Variants in MYT1L observed in about 807,000 individuals in gnomAD.
MYT1L encodes myelin transcription factor 1 like.
MYT1L carries 12 observed loss-of-function variants against 126.7 expected under a neutral mutation model. The observed-to-expected ratio is 0.09, with a 90% confidence interval of 0.06 to 0.15. MYT1L has a LOEUF of 0.15. Ranked by LOEUF, MYT1L falls within the 10% of genes least tolerant of loss-of-function variation. The probability of loss-of-function intolerance (pLI) is 1.00; values close to 1 mark genes in which losing one functional copy is unlikely to be tolerated. For synonymous variants in MYT1L, 541 were observed against 604.2 expected (o/e 0.90, Z 1.53); for missense variants, 979 against 1,585.2 (o/e 0.62, Z 6.49).
chr2:1,856,443 T>C (rs2043934386), intron 18 of MYT1L, among the ~76,000 whole-genome samples: 1 of 152,168 alleles, frequency 6.6e-6, no homozygotes, highest in African/African-American at 2.4e-5. Context: ...CATATTGTTT[T>C]CCATTGGTGC....
chr2:2,102,744 T>C (rs2078255054), intron 3 of MYT1L, among the ~76,000 whole-genome samples: 1 of 151,950 alleles, frequency 6.6e-6, no homozygotes, highest in African/African-American at 2.4e-5. Flanking sequence ...ATCAATGGTC[T>C]GAAGTCACTA....
chr2:2,025,166 C>T (rs1179140681), intron 4 of MYT1L, among the ~76,000 whole-genome samples: 1 of 152,222 alleles, frequency 6.6e-6, no homozygotes, highest in Non-Finnish European at 1.5e-5. Flanking sequence ...GGCCCTGGCT[C>T]CCTGGCATTG....
intron 8 of MYT1L, chr2:1,974,734 C>T (rs956699440): frequency 3.9e-5 from 6 of 152,168 alleles, no homozygotes; most frequent in South Asian, 2.1e-4. Flanking sequence ...CTCTGTCCTT[C>T]GCCTTTCTCA....
chr2:1,925,406 T>C (rs964027863), intron 9 of MYT1L, among the ~76,000 whole-genome samples: 6 of 152,222 alleles, frequency 3.9e-5, no homozygotes, highest in Admixed American at 3.3e-4. Context: ...ATGTACAACA[T>C]TGGTCATTCT....
intron 4 of MYT1L, among the ~76,000 whole-genome samples, chr2:1,997,926 A>G (rs1173302589): frequency 1.3e-5 from 2 of 152,206 alleles, no homozygotes; most frequent in African/African-American, 4.8e-5. Context: ...TGTGAATTTT[A>G]TGAATAAAGA....
chr2:1,976,629 G>A (rs2060207696), intron 8 of MYT1L, among the ~76,000 whole-genome samples: 1 of 152,170 alleles, frequency 6.6e-6, no homozygotes, highest in African/African-American at 2.4e-5. Flanking sequence ...GCAACAGAGT[G>A]AGACTCCATA....
intron 4 of MYT1L, among the ~76,000 whole-genome samples, chr2:2,013,746 G>A (rs796537636): frequency 6.6e-6 from 1 of 152,260 alleles, no homozygotes; most frequent in South Asian, 2.1e-4. Context: ...AAAGGGGAGA[G>A]CCCTGCTGGC....
rs1211427760 is a variant in MYT1L at position 1,848,653 on chromosome 2, GCCA to G, written c.2774+2985_2774+2987del. Among the ~76,000 whole-genome samples the G allele has an allele frequency of 1.3e-5, 2 of 152,092 alleles. No individual in the cohort carries two copies. Among genetic ancestry groups the G allele is most frequent in the Non-Finnish European group, 2.9e-5 (2 of 68,016 alleles). ...GAAGTTCCTCCTACTTGCATTTCTG[GCCA>G]CCAAGAGCCAACAGACCTTTAAGAG... On this transcript the variant is annotated intron_variant, in intron 19 of 24. Transcript: ENST00000647738. The surrounding 1 kb of genome is among the most constrained non-coding windows in gnomAD (Gnocchi z 4.8).
At chr2:2,220,798 T>C (rs1572584421) in intron 2 of MYT1L, among the ~76,000 whole-genome samples, 1 of 152,184 alleles carries the variant, frequency 6.6e-6, no homozygotes, top group East Asian at 1.9e-4. Context: ...TGAGAATTTA[T>C]GGTTTGTAGG....
At chr2:2,144,817 C>G (rs1284254648) in intron 3 of MYT1L, among the ~76,000 whole-genome samples, 1 of 152,224 alleles carries the variant, frequency 6.6e-6, no homozygotes, top group African/African-American at 2.4e-5. Context: ...CTGCGGCTCT[C>G]ATCATGTAAA....
intron 8 of MYT1L, among the ~76,000 whole-genome samples, chr2:1,966,556 C>A (rs1288366286): frequency 6.6e-6 from 1 of 152,146 alleles, no homozygotes; most frequent in Non-Finnish European, 1.5e-5. Flanking sequence ...CCTGGTCATT[C>A]ATCCCAGGGA....
chr2:1,844,796 A>G lies in MYT1L; in HGVS notation c.2775-3953T>C, dbSNP rs144643132. On this transcript the variant is annotated intron_variant, in intron 19 of 24. Transcript: ENST00000647738. Reference sequence around the variant, plus strand: ...GGGCCCAGATTTGAACCTAACAAAAAGTCGCTCCCCCTCGTCTTCTCCTTC... The same window carrying G: ...GGGCCCAGATTTGAACCTAACAAAAGGTCGCTCCCCCTCGTCTTCTCCTTC... Among the ~76,000 whole-genome samples, 262 of 152,242 alleles carry G rather than the reference A, an allele frequency of 1.7e-3. 2 individuals carry two copies. Among genetic ancestry groups the G allele is most frequent in the African/African-American group, 6.1e-3 (253 of 41,548 alleles).
At chr2:1,856,114 A>T (rs1318439140) in intron 18 of MYT1L, among the ~76,000 whole-genome samples, 9 of 152,258 alleles carry the variant, frequency 5.9e-5, no homozygotes, top group Admixed American at 5.9e-4. Flanking sequence ...AAGCAACAAC[A>T]AGAAAACAAA....
chr2:2,160,872 A>T (rs1057235937), intron 3 of MYT1L, among the ~76,000 whole-genome samples: 1 of 152,216 alleles, frequency 6.6e-6, no homozygotes, highest in Non-Finnish European at 1.5e-5. Flanking sequence ...AAGAGGATTC[A>T]AAACACATGT....
intron 15 of MYT1L, among the ~76,000 whole-genome samples, chr2:1,891,010 A>T (rs567744158): frequency 2.6e-5 from 4 of 151,286 alleles, no homozygotes; most frequent in African/African-American, 9.7e-5. Flanking sequence ...CTTTTATTTT[A>T]TTTTTTTTGT....
intron 4 of MYT1L, among the ~76,000 whole-genome samples, chr2:2,026,633 C>A (rs2065616379): frequency 6.6e-6 from 1 of 152,210 alleles, no homozygotes; most frequent in Non-Finnish European, 1.5e-5. Flanking sequence ...GGTTGTTCTG[C>A]AGGTCAAGGT....
At chr2:1,931,129 T>G (rs1159778885) in intron 9 of MYT1L, among the ~76,000 whole-genome samples, 1 of 152,108 alleles carries the variant, frequency 6.6e-6, no homozygotes, top group African/African-American at 2.4e-5. Context: ...TCACCACTCA[T>G]CCCTTAGAGA....
intron 1 of MYT1L, among the ~76,000 whole-genome samples, chr2:2,320,131 A>G (rs1457110814): frequency 6.6e-6 from 1 of 152,078 alleles, no homozygotes; most frequent in Non-Finnish European, 1.5e-5. Flanking sequence ...AGGAGAACAA[A>G]AGGGAGAACT....
intron 9 of MYT1L, among the ~76,000 whole-genome samples, chr2:1,927,248 C>G (rs1336734186): frequency 6.6e-6 from 1 of 152,076 alleles, no homozygotes; most frequent in African/African-American, 2.4e-5. Context: ...TTCTTCCTTC[C>G]TATCAGCCAG....
Sources: allele counts gnomAD v4.1 joint callset (sites outside exome capture counted in the v4.1 genomes callset), GRCh38; gene constraint gnomAD v4.1.1; non-coding constraint Gnocchi (gnomAD v3.1); transcripts MANE v1.5; gene names NCBI Gene and HGNC (gene_info 2026-07-23, HGNC 2026-07-21).